Variants in CSMD1 observed in about 807,000 individuals in gnomAD.
CSMD1 encodes the protein CUB and Sushi multiple domains 1.
CSMD1 carries 213 observed loss-of-function variants against 417.5 expected under a neutral mutation model. The ratio of observed to expected loss-of-function variants is 0.51; its 90% CI spans 0.46 to 0.57. The LOEUF is 0.57. Ranked by LOEUF, CSMD1 falls within the 20% of genes least tolerant of loss-of-function variation. The probability of loss-of-function intolerance (pLI) is 0.00; values close to 1 mark genes in which losing one functional copy is unlikely to be tolerated. For missense variants in CSMD1, 6,923 were observed against 4,529.7 expected (o/e 1.53, Z -15.17); for synonymous variants, 2,862 against 1,736.8 (o/e 1.65, Z -16.11).
At chr8:4,560,595 C>T (rs910785202) in intron 2 of CSMD1, among the ~76,000 whole-genome samples, 1 of 152,218 alleles carries the variant, frequency 6.6e-6, no homozygotes, top group Non-Finnish European at 1.5e-5. Flanking sequence ...TATGGCAGAG[C>T]CTCCCTGAAA....
At chr8:3,195,965 C>G (rs1223599959) in intron 33 of CSMD1, among the ~76,000 whole-genome samples, 1 of 152,058 alleles carries the variant, frequency 6.6e-6, no homozygotes. Flanking sequence ...AGGCTGAGAC[C>G]TACTAGGCTA....
At chr8:4,408,716 A>C (rs1244101378) in intron 3 of CSMD1, among the ~76,000 whole-genome samples, 2 of 152,326 alleles carry the variant, frequency 1.3e-5, no homozygotes, top group East Asian at 3.9e-4. Context: ...CAGCTCTCAG[A>C]ATATGAACCT....
At chr8:4,530,321 T>G (rs1796741377) in intron 2 of CSMD1, among the ~76,000 whole-genome samples, 1 of 134,832 alleles carries the variant, frequency 7.4e-6, no homozygotes, top group African/African-American at 2.8e-5. Context: ...GTGCTTTTTT[T>G]TTTTTTTTTT....
chr8:3,387,088 C>T (rs983756720), intron 18 of CSMD1, among the ~76,000 whole-genome samples: 13 of 152,108 alleles, frequency 8.5e-5, no homozygotes, highest in Admixed American at 2.0e-4. Flanking sequence ...ACATTCAGTC[C>T]ACGGAAACAA....
At chr8:3,933,603 G>A (rs1424522609) in intron 5 of CSMD1, among the ~76,000 whole-genome samples, 1 of 152,234 alleles carries the variant, frequency 6.6e-6, no homozygotes, top group Non-Finnish European at 1.5e-5. Flanking sequence ...GAACTGTTAA[G>A]ATTTGCTTCT....
At chr8:4,898,239 G>A (rs1372861540) in intron 1 of CSMD1, among the ~76,000 whole-genome samples, 1 of 152,090 alleles carries the variant, frequency 6.6e-6, no homozygotes, top group African/African-American at 2.4e-5. Flanking sequence ...GGAGAGCATC[G>A]GGGTGCTTAG....
In CSMD1 at chr8:4,028,833, G is replaced by C. The variant is rs751161187; in HGVS notation, c.610+3072C>G. ...CTCATTAAGACCTCAATAAATGTTA[G>C]GTATGCTTTTAATTTTGTACTCAAA... On this transcript the variant is annotated intron_variant, in intron 4 of 69. Coordinates refer to ENST00000635120, the MANE Select transcript of CSMD1 (RefSeq NM_033225.6). Among the ~76,000 whole-genome samples the C allele has an allele frequency of 8.5e-5, 13 of 152,178 alleles. 1 individual carries two copies. Among genetic ancestry groups the C allele is most frequent in the African/African-American group, 2.9e-4 (12 of 41,428 alleles).
chr8:4,982,379 C>T (rs1055814373), intron 1 of CSMD1, among the ~76,000 whole-genome samples: 9 of 152,172 alleles, frequency 5.9e-5, no homozygotes, highest in African/African-American at 2.2e-4. Context: ...TCTGGTCCTG[C>T]GGAGAGGATA....
chr8:3,245,994 C>G (rs73185547), intron 26 of CSMD1, among the ~76,000 whole-genome samples: 12,849 of 152,160 alleles, frequency 0.084, 634 homozygotes, highest in Admixed American at 0.13. Flanking sequence ...TCTGGGTAGG[C>G]AGAAGTTTTG....
At chr8:3,710,534 T>C (rs957572023) in intron 6 of CSMD1, among the ~76,000 whole-genome samples, 3 of 152,172 alleles carry the variant, frequency 2.0e-5, no homozygotes, top group Non-Finnish European at 2.9e-5. Flanking sequence ...AGGTGGACAA[T>C]TGCCCTTTGG....
intron 1 of CSMD1, among the ~76,000 whole-genome samples, chr8:4,706,440 T>A (rs1253811955): frequency 6.6e-6 from 1 of 152,178 alleles, no homozygotes; most frequent in East Asian, 1.9e-4. Context: ...ATATGACCAA[T>A]GAGCTCAGTA....
intron 33 of CSMD1, among the ~76,000 whole-genome samples, chr8:3,192,106 A>G (rs1284084052): frequency 1.3e-5 from 2 of 152,198 alleles, no homozygotes; most frequent in Non-Finnish European, 2.9e-5. Flanking sequence ...TATTTTGATT[A>G]AACGATGTTT....
intron 1 of CSMD1, among the ~76,000 whole-genome samples, chr8:4,762,230 C>A (rs1437005002): frequency 6.6e-6 from 1 of 151,990 alleles, no homozygotes; most frequent in Non-Finnish European, 1.5e-5. Flanking sequence ...ATGGTACCTG[C>A]TTGCGCTATT....
intron 5 of CSMD1, among the ~76,000 whole-genome samples, chr8:3,811,878 G>C (rs972954919): frequency 6.6e-6 from 1 of 152,142 alleles, no homozygotes; most frequent in African/African-American, 2.4e-5. Flanking sequence ...ACTATGTGTT[G>C]TGTTTTTGCT....
At chr8:4,869,240 G>A (rs1038402065) in intron 1 of CSMD1, among the ~76,000 whole-genome samples, 1 of 151,844 alleles carries the variant, frequency 6.6e-6, no homozygotes, top group Non-Finnish European at 1.5e-5. Context: ...GCATCTGTGT[G>A]GCTATGAACG....
At chr8:4,089,387 G>A (rs1800596860) in intron 3 of CSMD1, among the ~76,000 whole-genome samples, 1 of 152,180 alleles carries the variant, frequency 6.6e-6, no homozygotes, top group African/African-American at 2.4e-5. Context: ...GAGGTTCTCT[G>A]AGAAGAAAAT....
At chr8:4,345,576 A>G (rs1800732768) in intron 3 of CSMD1, among the ~76,000 whole-genome samples, 1 of 152,128 alleles carries the variant, frequency 6.6e-6, no homozygotes, top group South Asian at 2.1e-4. Flanking sequence ...AAGCACTAAT[A>G]TCTAAAATAT....
intron 1 of CSMD1, among the ~76,000 whole-genome samples, chr8:4,740,873 C>G (rs1474092912): frequency 6.6e-6 from 1 of 152,204 alleles, no homozygotes; most frequent in Non-Finnish European, 1.5e-5. Context: ...TTCCCTGAGA[C>G]ATCATGCTCC....
At chr8:4,896,352 C>T (rs1441967538) in intron 1 of CSMD1, among the ~76,000 whole-genome samples, 2 of 152,024 alleles carry the variant, frequency 1.3e-5, no homozygotes, top group Non-Finnish European at 2.9e-5. Context: ...CATATTTGAG[C>T]TTAACACAGG....
Sources: gnomAD v4.1 joint callset for allele counts (sites outside exome capture counted in the v4.1 genomes callset) on GRCh38, gnomAD v4.1.1 for gene constraint, MANE v1.5 for transcripts, NCBI Gene and HGNC (gene_info 2026-07-23, HGNC 2026-07-21) for gene names.